The following CDH13 variants were observed in gnomAD, a reference collection of about 807,000 sequenced individuals.
CDH13 encodes the protein cadherin 13, also known as cadherin-13.
Under a neutral mutation model 63.8 loss-of-function variants are expected in CDH13, and 24 were observed. The observed-to-expected ratio is 0.38, with a 90% CI of 0.27 to 0.53. The LOEUF is 0.53. CDH13 is among the 20% of genes least tolerant of loss of function. CDH13 has a pLI of 0.85. For synonymous variants in CDH13, 503 were observed against 355.3 expected (o/e 1.42, Z -4.67); for missense variants, 1,049 against 903.1 (o/e 1.16, Z -2.07).
chr16:83,491,811 A>C (rs1223314318), intron 7 of CDH13, among the ~76,000 whole-genome samples: 1 of 152,144 alleles, frequency 6.6e-6, no homozygotes, highest in South Asian at 2.1e-4. Context: ...CTGTGAATGT[A>C]ATTTGTTTTG....
chr16:83,607,925 A>T (rs1173480614), intron 8 of CDH13, among the ~76,000 whole-genome samples: 1 of 152,206 alleles, frequency 6.6e-6, no homozygotes, highest in East Asian at 1.9e-4. Flanking sequence ...ATTAAAAAAA[A>T]GATTTCTGAT....
chr16:83,286,790 A>G (rs2089327575), intron 5 of CDH13, among the ~76,000 whole-genome samples: 1 of 149,762 alleles, frequency 6.7e-6, no homozygotes, highest in Admixed American at 6.7e-5. Context: ...ATATTTATAT[A>G]TATATACACA....
intron 1 of CDH13, among the ~76,000 whole-genome samples, chr16:82,695,288 G>A (rs931602986): frequency 6.6e-6 from 1 of 152,154 alleles, no homozygotes; most frequent in Admixed American, 6.5e-5. Flanking sequence ...GGATCTTTCT[G>A]AATCCTCAGA....
chr16:82,926,374 C>G (rs917869506), intron 2 of CDH13, among the ~76,000 whole-genome samples: 1 of 152,076 alleles, frequency 6.6e-6, no homozygotes, highest in African/African-American at 2.4e-5. Flanking sequence ...CATTTTCGCA[C>G]CCCTGTGCCT....
At chr16:82,760,034 A>G (rs1342328342) in intron 1 of CDH13, among the ~76,000 whole-genome samples, 2 of 152,202 alleles carry the variant, frequency 1.3e-5, no homozygotes, top group Admixed American at 1.3e-4. Flanking sequence ...TGTGATTACA[A>G]AGTTGCAAAG....
chr16:82,702,012 C>T (rs1033501626), intron 1 of CDH13, among the ~76,000 whole-genome samples: 3 of 152,176 alleles, frequency 2.0e-5, no homozygotes, highest in African/African-American at 4.8e-5. Flanking sequence ...AGCAAATAAT[C>T]GTTGCTTATG....
intron 4 of CDH13, among the ~76,000 whole-genome samples, chr16:83,153,572 A>G (rs1342070314): frequency 6.6e-6 from 1 of 152,228 alleles, no homozygotes; most frequent in Non-Finnish European, 1.5e-5. Context: ...AGTTCAGCCT[A>G]TGCCCAGGAA....
chr16:83,234,624 G>C (rs1029854350), intron 5 of CDH13, among the ~76,000 whole-genome samples: 4 of 152,182 alleles, frequency 2.6e-5, no homozygotes, highest in Admixed American at 2.6e-4. Context: ...TGATCACTTA[G>C]AAGTTAAGTC....
chr16:82,840,511 C>T (rs895848281), intron 1 of CDH13, among the ~76,000 whole-genome samples: 5 of 151,596 alleles, frequency 3.3e-5, no homozygotes, highest in African/African-American at 9.7e-5. Flanking sequence ...GGTGAAACCT[C>T]GTCTCTACTA....
intron 6 of CDH13, among the ~76,000 whole-genome samples, chr16:83,435,439 G>A (rs114573826): frequency 0.01 from 1,568 of 152,076 alleles, 27 homozygotes; most frequent in African/African-American, 0.036. Context: ...GTGGCTCCCC[G>A]TTGCCCCAAA....
chr16:83,286,139 G>C (rs2089306780), intron 5 of CDH13, among the ~76,000 whole-genome samples: 1 of 152,120 alleles, frequency 6.6e-6, no homozygotes, highest in Non-Finnish European at 1.5e-5. Flanking sequence ...AGTGTTTGAG[G>C]CATGAACTGG....
intron 3 of CDH13, among the ~76,000 whole-genome samples, chr16:83,056,836 C>G (rs2030997380): frequency 1.3e-5 from 2 of 152,128 alleles, no homozygotes; most frequent in Non-Finnish European, 2.9e-5. Context: ...GAAGAGAGTT[C>G]CCTACACACG....
intron 8 of CDH13, among the ~76,000 whole-genome samples, chr16:83,636,846 G>A (rs998798792): frequency 1.1e-4 from 17 of 152,140 alleles, no homozygotes; most frequent in African/African-American, 3.1e-4. Flanking sequence ...ACTGCTCTCC[G>A]CAATGGCTGA....
At chr16:82,902,901 A>T (rs2041518228) in intron 2 of CDH13, among the ~76,000 whole-genome samples, 1 of 152,178 alleles carries the variant, frequency 6.6e-6, no homozygotes, top group Non-Finnish European at 1.5e-5. Flanking sequence ...GGAAAGGGCG[A>T]AGTCTGGGCA....
intron 1 of CDH13, among the ~76,000 whole-genome samples, chr16:82,648,961 C>A (rs1440654308): frequency 6.6e-6 from 1 of 151,980 alleles, no homozygotes; most frequent in Non-Finnish European, 1.5e-5. Context: ...AAGAAAGAGC[C>A]AATTTTAGAT....
At position 83,123,656 on chromosome 16, in the gene CDH13, A is replaced by G. The variant is rs138038740; in HGVS notation, c.367-1729A>G. On this transcript the variant is annotated intron_variant, in intron 3 of 13. Coordinates refer to ENST00000567109, the MANE Select transcript of CDH13 (RefSeq NM_001257.5). ...TGTCTTTGCTATTGTGAATAGTGCT[A>G]TGATAAACACACAAGTGCAGGTATT... Among the ~76,000 whole-genome samples the G allele has an allele frequency of 7.6e-3, 1,154 of 152,262 alleles. 10 individuals carry two copies. Among genetic ancestry groups the G allele is most frequent in the African/African-American group, 0.021 (859 of 41,538 alleles).
rs2151431312 is a variant in CDH13 at position 83,007,333 on chromosome 16, T to C, written c.158-24677T>C. On this transcript the variant is annotated intron_variant, in intron 2 of 13. Coordinates refer to ENST00000567109, the MANE Select transcript of CDH13 (RefSeq NM_001257.5). ...CTGTCTCATGTAGTCTTCACTATAA[T>C]CCATGAATTATATATATTAACATGA... 2.0e-5 allele frequency among the ~76,000 whole-genome samples: 3 copies of C among 152,332 alleles called. No homozygotes were observed. The Middle Eastern group carries it at 0.01, about 518-fold the overall frequency.
intron 2 of CDH13, among the ~76,000 whole-genome samples, chr16:82,951,522 C>G (rs1021309284): frequency 6.6e-6 from 1 of 152,148 alleles, no homozygotes; most frequent in African/African-American, 2.4e-5. Flanking sequence ...TCTAAAAGAA[C>G]CACATTTAGG....
chr16:83,514,690 G>T (rs2074660465), intron 7 of CDH13, among the ~76,000 whole-genome samples: 1 of 152,126 alleles, frequency 6.6e-6, no homozygotes, highest in South Asian at 2.1e-4. Context: ...ACACACAGAA[G>T]ATCCAGGAGA....
Sources: gnomAD v4.1 joint callset for allele counts (sites outside exome capture counted in the v4.1 genomes callset) on GRCh38, gnomAD v4.1.1 for gene constraint, MANE v1.5 for transcripts, NCBI Gene and HGNC (gene_info 2026-07-23, HGNC 2026-07-21) for gene names.